Variants in CSRP3 observed in about 807,000 individuals in gnomAD.
CSRP3 encodes cysteine and glycine rich protein 3.
Under a neutral mutation model 24.3 loss-of-function variants are expected in CSRP3, and 24 were observed. The ratio of observed to expected loss-of-function variants is 0.99; its 90% CI spans 0.71 to 1.39. The LOEUF (loss-of-function observed/expected upper bound fraction) is 1.39, where lower values mean the gene tolerates loss of function less well. Ranked by LOEUF, CSRP3 falls within the 40% of genes most tolerant of loss-of-function variation. The pLI, the probability that CSRP3 is intolerant of heterozygous loss-of-function variation, is 0.00. For missense variants in CSRP3, 240 were observed against 249.0 expected (o/e 0.96, Z 0.24); for synonymous variants, 105 against 94.0 (o/e 1.12, Z -0.68).
At chr11:19,186,431 T>C (rs1442014851) in intron 3 of CSRP3, 83 bp from the exon 4 acceptor site, 4 of 1,536,104 alleles carry the variant, frequency 2.6e-6, no homozygotes, top group Non-Finnish European at 3.6e-6. Flanking sequence ...GAAAGTGACC[T>C]CACTTCCGTG....
intron 2 of CSRP3, among the ~76,000 whole-genome samples, chr11:19,191,301 C>G (rs1305385026): frequency 6.6e-6 from 1 of 152,076 alleles, no homozygotes. Context: ...GACAAAAGCC[C>G]CAACAGATGG....
In CSRP3 at chr11:19,188,613, A is replaced by AGTGTGTGTGTGTGTGTGT. The variant is rs138192808; in HGVS notation, c.113-327_113-310dup. Among the ~76,000 whole-genome samples, 158 of 140,952 alleles carry AGTGTGTGTGTGTGTGTGT rather than the reference A, an allele frequency of 1.1e-3. 1 individual carries two copies. The highest frequency in any genetic ancestry group is 3.7e-3 in the African/African-American group (144 of 38,446). 92.5% of individuals were successfully genotyped at this position (140,952 alleles called of 152,430 possible). ...GAGTCTTCCCAAATGACATCAGGGA[A>AGTGTGTGTGTGTGTGTGT]GTGTGTGTGTGTGTGTGTGTGTGTG... On this transcript the variant is annotated intron_variant, in intron 2 of 5. Coordinates refer to ENST00000265968, the MANE Select transcript of CSRP3 (RefSeq NM_003476.5).
intron 4 of CSRP3, 43 bp from the exon 5 acceptor site, chr11:19,185,088 C>T: frequency 1.4e-6 from 2 of 1,426,804 alleles, no homozygotes; most frequent in Non-Finnish European, 2.0e-6. Context: ...AGGTAGGCAA[C>T]ACATTCTGTT....
At chr11:19,200,094 AC>A (rs143237968) in intron 1 of CSRP3, among the ~76,000 whole-genome samples, 1 of 151,296 alleles carries the variant, frequency 6.6e-6, no homozygotes, top group African/African-American at 2.4e-5. Flanking sequence ...TTAGCAGGAA[AC>A]CCCCCCAAAA....
intron 1 of CSRP3, among the ~76,000 whole-genome samples, chr11:19,196,462 G>A (rs1850706649): frequency 6.6e-6 from 1 of 152,148 alleles, no homozygotes; most frequent in African/African-American, 2.4e-5. Flanking sequence ...TACTCAAATG[G>A]CACCAATGTG....
intron 2 of CSRP3, among the ~76,000 whole-genome samples, 176 bp from the exon 3 acceptor site, chr11:19,188,480 G>T (rs368581948): frequency 1.3e-5 from 2 of 152,102 alleles, no homozygotes; most frequent in African/African-American, 2.4e-5. Context: ...AGACAGTCCC[G>T]ATCTCACAGA....
intron 1 of CSRP3, among the ~76,000 whole-genome samples, chr11:19,195,487 G>A (rs1850686671): frequency 6.6e-6 from 1 of 152,166 alleles, no homozygotes; most frequent in Non-Finnish European, 1.5e-5. Flanking sequence ...GTTTCAGCAT[G>A]ATACAAAATA....
intron 4 of CSRP3, among the ~76,000 whole-genome samples, 171 bp downstream of exon 4, chr11:19,186,045 A>T (rs980668210): frequency 6.6e-6 from 1 of 152,138 alleles, no homozygotes; most frequent in Non-Finnish European, 1.5e-5. Flanking sequence ...GCAATGCTAG[A>T]TGACAGACAG....
At chr11:19,197,384 CCCTCCCTTCCTT>C (rs1850741293) in intron 1 of CSRP3, among the ~76,000 whole-genome samples, 1 of 2,102 alleles carries the variant, frequency 4.8e-4, no homozygotes, top group African/African-American at 2.0e-3. Flanking sequence ...CTCCCTCCCT[CCCTCCCTTCCTT>C]CCTTCCTTCC....
At chr11:19,198,453 T>G (rs1026309095) in intron 1 of CSRP3, among the ~76,000 whole-genome samples, 2 of 152,226 alleles carry the variant, frequency 1.3e-5, no homozygotes, top group Non-Finnish European at 2.9e-5. Context: ...ACTTTCTGAG[T>G]TACGGCTGTT....
At chr11:19,199,690 C>T (rs144197779) in intron 1 of CSRP3, among the ~76,000 whole-genome samples, 80 of 152,302 alleles carry the variant, frequency 5.3e-4, no homozygotes, top group Non-Finnish European at 9.7e-4. Context: ...AGTACTCGTT[C>T]CATGCCTGCC....
intron 1 of CSRP3, among the ~76,000 whole-genome samples, chr11:19,195,728 G>A (rs1850691556): frequency 6.6e-6 from 1 of 151,898 alleles, no homozygotes; most frequent in African/African-American, 2.4e-5. Context: ...CATTGCCTAG[G>A]CATACTTTTC....
intron 1 of CSRP3, among the ~76,000 whole-genome samples, chr11:19,194,493 T>C (rs888822396): frequency 1.3e-5 from 2 of 152,060 alleles, no homozygotes; most frequent in Non-Finnish European, 2.9e-5. Context: ...CTGGGCAACA[T>C]AGTGAGGCCC....
At chr11:19,190,520 C>T (rs1442691117) in intron 2 of CSRP3, among the ~76,000 whole-genome samples, 1 of 152,120 alleles carries the variant, frequency 6.6e-6, no homozygotes. Flanking sequence ...TTTATTTGTA[C>T]CATTTTTAAA....
At position 19,197,427 on chromosome 11, in the gene CSRP3, T is replaced by C. The variant is rs929170221; in HGVS notation, c.-29+4527A>G. 4.0e-4 allele frequency among the ~76,000 whole-genome samples: 49 copies of C among 123,348 alleles called. 1 individual carries two copies. Among genetic ancestry groups the C allele is most frequent in the Non-Finnish European group, 6.6e-4 (40 of 60,482 alleles). The allele number at this position is 123,348 out of a possible 152,430, so 80.9% of individuals were successfully genotyped here. ...CTTCCTTCCTTCCTTCCTTCCTTCC[T>C]TCCCTCCTTCTTTCCATCCTTTTTC... On this transcript the variant is annotated intron_variant, in intron 1 of 5. Coordinates refer to ENST00000265968, the MANE Select transcript of CSRP3 (RefSeq NM_003476.5).
chr11:19,192,255 G>T, intron 2 of CSRP3, 82 bp downstream of exon 2: 2 of 921,398 alleles, frequency 2.2e-6, no homozygotes, highest in South Asian at 1.3e-5. Flanking sequence ...AGAACCACTG[G>T]CATACAGTGT....
chr11:19,182,815 G>T, intron 5 of CSRP3, 69 bp from the exon 6 acceptor site: 1 of 1,064,052 alleles, frequency 9.4e-7, no homozygotes, highest in Non-Finnish European at 1.5e-6. Flanking sequence ...AGGGCTTTCT[G>T]TCTGAGCACA....
chr11:19,200,500 C>T (rs1009077915), intron 1 of CSRP3, among the ~76,000 whole-genome samples: 4 of 152,124 alleles, frequency 2.6e-5, no homozygotes, highest in East Asian at 3.9e-4. Flanking sequence ...CTCTTTCCTT[C>T]CCCCCTTCTC....
In CSRP3 at chr11:19,182,467, A is replaced by C. The variant is rs1850451607; in HGVS notation, c.*203T>G. The C allele has an allele frequency of 6.5e-6, 4 of 615,534 alleles. No individual in the cohort carries two copies. The highest frequency in any genetic ancestry group is 1.2e-5 in the Non-Finnish European group (4 of 343,494). The allele number at this position is 615,534 out of a possible 1,614,324, so 38.1% of individuals were successfully genotyped here. A position where few individuals can be genotyped will look rare whatever the true frequency, so the allele number is the denominator to read the frequency against. ...CCCATTCCAAGCATTATAAATAATA[A>C]AGCATTTGTTATAGATTAAACTTTA... On this transcript the variant is annotated 3_prime_UTR_variant, in exon 6 of 6. Coordinates refer to ENST00000265968, the MANE Select transcript of CSRP3 (RefSeq NM_003476.5).
Sources: allele counts gnomAD v4.1 joint callset (sites outside exome capture counted in the v4.1 genomes callset), GRCh38; gene constraint gnomAD v4.1.1; transcripts MANE v1.5; gene names NCBI Gene and HGNC (gene_info 2026-07-23, HGNC 2026-07-21).